TBC1D22A: variants seen among roughly 807,000 people sequenced by gnomAD.
TBC1D22A encodes the protein TBC1 domain family member 22A.
A neutral mutation model predicts 60.2 loss-of-function variants in TBC1D22A; 38 were observed. The ratio of observed to expected loss-of-function variants is 0.63; its 90% confidence interval spans 0.49 to 0.83. The LOEUF (loss-of-function observed/expected upper bound fraction) is 0.83, where lower values mean the gene tolerates loss of function less well. Among genes scored for constraint, TBC1D22A ranks in the 40% least tolerant of loss-of-function variants. The pLI is 0.00. For missense variants in TBC1D22A, 628 were observed against 701.0 expected, an observed-to-expected ratio of 0.90 and a Z score of 1.18; for synonymous variants, 302 against 281.7, an observed-to-expected ratio of 1.07 and a Z score of -0.72.
chr22:47,005,659 C>G (rs2061564997), intron 10 of TBC1D22A, among the ~76,000 whole-genome samples: 1 of 149,828 alleles, frequency 6.7e-6, no homozygotes, highest in Non-Finnish European at 1.5e-5. Context: ...CACACCCACA[C>G]ACACACCCAT....
At chr22:46,992,776 C>G (rs2148214812) in intron 9 of TBC1D22A, among the ~76,000 whole-genome samples, 2 of 152,362 alleles carry the variant, frequency 1.3e-5, no homozygotes, top group Middle Eastern at 6.8e-3. Context: ...GGCTTCCTAG[C>G]TCTGTCCTTG....
intron 4 of TBC1D22A, among the ~76,000 whole-genome samples, chr22:46,850,160 A>C (rs1413595651): frequency 3.3e-5 from 5 of 152,192 alleles, no homozygotes; most frequent in South Asian, 2.1e-4. Flanking sequence ...CTTACAGGTC[A>C]GCAGAGATGG....
intron 12 of TBC1D22A, among the ~76,000 whole-genome samples, chr22:47,118,608 A>G (rs2066156893): frequency 6.6e-6 from 1 of 152,258 alleles, no homozygotes; most frequent in African/African-American, 2.4e-5. Flanking sequence ...GATAAAGACA[A>G]TAAAAGAATG....
At chr22:46,809,284 T>C (rs2085284524) in intron 4 of TBC1D22A, among the ~76,000 whole-genome samples, 1 of 151,718 alleles carries the variant, frequency 6.6e-6, no homozygotes, top group African/African-American at 2.4e-5. Context: ...GAGAGGGAGG[T>C]GGAGAGCGAG....
At position 47,119,145 on chromosome 22, in the gene TBC1D22A, CAAAAT is replaced by C. The variant is rs547132987; in HGVS notation, c.1425+7557_1425+7561del. On this transcript the variant is annotated intron_variant, in intron 12 of 12. Coordinates refer to ENST00000337137, the MANE Select transcript of TBC1D22A (RefSeq NM_014346.5). Reference sequence around the variant, plus strand: ...GCCTTGCGACAGCAAGACTCCATCTCAAAATAAAATAAAATAAAACTTGAATAGAC... The same window carrying C: ...GCCTTGCGACAGCAAGACTCCATCTCAAAATAAAATAAAACTTGAATAGAC... Among the ~76,000 whole-genome samples the C allele has an allele frequency of 2.4e-4, 37 of 152,242 alleles. 1 individual carries two copies. Among genetic ancestry groups the C allele is most frequent in the Admixed American group, 2.0e-4 (3 of 15,284 alleles).
Position 46,990,849 on chromosome 22 carries a change from G to A in TBC1D22A, c.1126-6785G>A, listed in dbSNP as rs143658723. ...GACGGCTCTGCTCCTCGCCGTGTGC[G>A]TCTGGAAGTGACCATGGATGGCCTC... On this transcript the variant is annotated intron_variant, in intron 9 of 12. Transcript: ENST00000337137. This position sits in a 1 kb window ranked among gnomAD's most constrained non-coding sequence, Gnocchi z 4.6. 7.3e-4 allele frequency among the ~76,000 whole-genome samples: 111 copies of A among 152,308 alleles called. No homozygotes were observed. The East Asian group carries it at 0.018, about 25-fold the overall frequency.
intron 11 of TBC1D22A, among the ~76,000 whole-genome samples, chr22:47,094,170 C>T (rs545230127): frequency 2.6e-5 from 4 of 152,182 alleles, no homozygotes; most frequent in South Asian, 2.1e-4. Context: ...AGTTTCAGTC[C>T]TTTGATACTT....
At chr22:46,887,466 A>C (rs1569176675) in intron 5 of TBC1D22A, among the ~76,000 whole-genome samples, 1 of 152,228 alleles carries the variant, frequency 6.6e-6, no homozygotes, top group Non-Finnish European at 1.5e-5. Flanking sequence ...ACAGAAATGC[A>C]TCTCATGTAC....
At chr22:46,817,100 G>A (rs542341582) in intron 4 of TBC1D22A, among the ~76,000 whole-genome samples, 1 of 152,184 alleles carries the variant, frequency 6.6e-6, no homozygotes, top group East Asian at 1.9e-4. Context: ...TAAGTCAATC[G>A]TATCTCAAGA....
chr22:46,919,855 T>C (rs1440810743), intron 8 of TBC1D22A, among the ~76,000 whole-genome samples: 1 of 151,986 alleles, frequency 6.6e-6, no homozygotes, highest in African/African-American at 2.4e-5. Flanking sequence ...AGAAATCATT[T>C]GTAAAGAGGA....
chr22:46,909,789 G>A (rs1169114625), intron 7 of TBC1D22A, among the ~76,000 whole-genome samples: 1 of 152,144 alleles, frequency 6.6e-6, no homozygotes, highest in African/African-American at 2.4e-5. Flanking sequence ...CCCCGTGCCT[G>A]CCTTCAGGGA....
intron 9 of TBC1D22A, among the ~76,000 whole-genome samples, chr22:46,991,070 A>G (rs1287821026): frequency 6.6e-6 from 1 of 152,122 alleles, no homozygotes; most frequent in Non-Finnish European, 1.5e-5. Context: ...TTTGCACTCT[A>G]TATGGGCATT....
chr22:46,860,914 TG>T (rs930346256), intron 4 of TBC1D22A, among the ~76,000 whole-genome samples: 10 of 152,188 alleles, frequency 6.6e-5, no homozygotes, highest in African/African-American at 2.4e-4. Context: ...CCACTTCCTT[TG>T]GGGGAGGCTC....
At chr22:46,959,080 G>C (rs1308363984) in intron 8 of TBC1D22A, among the ~76,000 whole-genome samples, 1 of 152,196 alleles carries the variant, frequency 6.6e-6, no homozygotes, top group Non-Finnish European at 1.5e-5. Flanking sequence ...CGTCTCTCCT[G>C]ACAGCTCAGC....
intron 8 of TBC1D22A, among the ~76,000 whole-genome samples, chr22:46,917,401 G>T (rs1025567461): frequency 3.9e-5 from 6 of 152,162 alleles, no homozygotes; most frequent in African/African-American, 7.2e-5. Context: ...GGAGGGCCTG[G>T]TCCTGGATGT....
intron 11 of TBC1D22A, among the ~76,000 whole-genome samples, chr22:47,046,603 T>C (rs1459150902): frequency 6.6e-6 from 1 of 152,182 alleles, no homozygotes; most frequent in African/African-American, 2.4e-5. Flanking sequence ...GCATGGGCAT[T>C]GGACTTGGTC....
intron 4 of TBC1D22A, among the ~76,000 whole-genome samples, chr22:46,859,044 C>T (rs1370782642): frequency 1.4e-5 from 2 of 146,000 alleles, no homozygotes; most frequent in African/African-American, 2.6e-5. Context: ...AGTGCTGTGC[C>T]CCTTCCCGGG....
At chr22:47,134,114 C>T (rs1215882230) in intron 12 of TBC1D22A, among the ~76,000 whole-genome samples, 8 of 152,184 alleles carry the variant, frequency 5.3e-5, no homozygotes, top group African/African-American at 1.4e-4. Flanking sequence ...TTCCCTTGCA[C>T]GTTTCTGCCT....
At chr22:47,037,767 T>C (rs1454627862) in intron 11 of TBC1D22A, among the ~76,000 whole-genome samples, 1 of 152,258 alleles carries the variant, frequency 6.6e-6, no homozygotes, top group Non-Finnish European at 1.5e-5. Flanking sequence ...GACAGCAGCC[T>C]TGAGCTCTCT....
Sources: allele counts gnomAD v4.1 joint callset (sites outside exome capture counted in the v4.1 genomes callset), GRCh38; gene constraint gnomAD v4.1.1; non-coding constraint Gnocchi (gnomAD v3.1); transcripts MANE v1.5; gene names NCBI Gene and HGNC (gene_info 2026-07-23, HGNC 2026-07-21).